FAM124B: variants seen among roughly 807,000 people sequenced by gnomAD.
FAM124B encodes protein FAM124B.
In FAM124B, 18 loss-of-function variants were observed where a neutral mutation model predicts 19.7. The ratio of observed to expected loss-of-function variants is 0.92; its 90% CI spans 0.63 to 1.36. FAM124B has a LOEUF of 1.36. FAM124B is among the 40% of genes most tolerant of loss of function. The pLI is 0.00. For missense variants in FAM124B, 540 were observed against 553.3 expected (o/e 0.98, Z 0.24); for synonymous variants, 223 against 225.2 (o/e 0.99, Z 0.09).
rs769418312 is a variant in FAM124B at position 224,380,097 on chromosome 2, T to C, written c.844A>G (p.Ser282Gly). The change falls in exon 2 of 2, where the codon AGC (serine) becomes GGC (glycine). Residue 282 changes from serine (S) to glycine (G), a missense_variant. By Grantham distance (56) the Ser-to-Gly change is moderately conservative. Coordinates refer to ENST00000409685, the MANE Select transcript of FAM124B (RefSeq NM_001122779.2). ...GACCTCTTGCCCTGGTTCCTCTGGC[T>C]CCTGGGTTCTGAGGTCCTCTTTGCA... ...VSAKRTSEPR[S>G]QRNQGKRSQG... The C allele has an allele frequency of 1.7e-5, 27 of 1,551,584 alleles. No individual in the cohort carries two copies. The highest frequency in any genetic ancestry group is 2.4e-5 in the Non-Finnish European group (27 of 1,147,004).
chr2:224,379,351 C>T lies in FAM124B; in HGVS notation c.*222G>A. On this transcript the variant is annotated 3_prime_UTR_variant, in exon 2 of 2. Coordinates refer to ENST00000409685, the MANE Select transcript of FAM124B (RefSeq NM_001122779.2). ...GGAACAAAAGCATTCGGTTTTTTTC[C>T]CTGTGTGTTGGCTGTGTTCTCTTAT... is the stretch of plus-strand genomic sequence containing the variant. The T allele has an allele frequency of 3.3e-6, 2 of 604,510 alleles. No homozygotes were observed. Among genetic ancestry groups the T allele is most frequent in the Non-Finnish European group, 5.2e-6 (2 of 382,992 alleles). The allele number at this position is 604,510 out of a possible 1,614,324, so 37.4% of individuals were successfully genotyped here.
At chr2:224,395,020 T>G (rs964051641) in intron 1 of FAM124B, among the ~76,000 whole-genome samples, 1 of 152,242 alleles carries the variant, frequency 6.6e-6, no homozygotes, top group Non-Finnish European at 1.5e-5. Context: ...TAGACCTTGC[T>G]GAGCGTTTCA....
chr2:224,393,988 T>C (rs1184749990), intron 1 of FAM124B, among the ~76,000 whole-genome samples: 1 of 152,072 alleles, frequency 6.6e-6, no homozygotes, highest in Non-Finnish European at 1.5e-5. Context: ...GGGGGCCCAG[T>C]GAGGAGACCA....
Position 224,401,640 on chromosome 2 carries a change from C to G in FAM124B, c.129G>C (p.Gln43His), listed in dbSNP as rs1295062218. ...DCICPEVRLF[Q>H]VSERASPVKY... ...TCACAGGACTGGCCCGTTCAGACAC[C>G]TGAAAGAGCCGGACCTCTGGGCAAA... Residue 43 changes from glutamine (Q) to histidine (H), a missense_variant, in exon 1 of 2, where the codon CAG (glutamine) becomes CAC (histidine). Gln to His is a conservative substitution (Grantham distance 24). Coordinates refer to ENST00000409685, the MANE Select transcript of FAM124B (RefSeq NM_001122779.2). The G allele has an allele frequency of 1.2e-6, 2 of 1,614,106 alleles. No homozygotes were observed. Among genetic ancestry groups the G allele is most frequent in the African/African-American group, 1.3e-5 (1 of 74,932 alleles).
intron 1 of FAM124B, chr2:224,400,226 T>C (rs1690041530): frequency 2.4e-6 from 1 of 413,060 alleles, no homozygotes; most frequent in South Asian, 6.0e-5. Context: ...ACCTGCACTT[T>C]GTGCACATGT....
Position 224,401,728 on chromosome 2 carries a change from A to G in FAM124B, c.41T>C (p.Leu14Pro), listed in dbSNP as rs1690079038. 3.7e-6 allele frequency: 6 copies of G among 1,613,996 alleles called. No individual in the cohort carries two copies. Among genetic ancestry groups the G allele is most frequent in the African/African-American group, 1.3e-5 (1 of 74,948 alleles). The change falls in exon 1 of 2, where the codon CTT becomes CCT. Residue 14 changes from leucine (L) to proline (P), a missense_variant. By Grantham distance (98) the Leu-to-Pro change is moderately conservative. Transcript: ENST00000409685. ...GGAGCCGTGCCCAGAGTTGGCAAGA[A>G]GATGGACAGTCATGGCCAGAGGCCC... is the stretch of plus-strand genomic sequence containing the variant. ...TQGPLAMTVHLLANSGHGSLL... is the reference protein window; with the variant it reads ...TQGPLAMTVHPLANSGHGSLL...
At chr2:224,390,927 T>A (rs1431393375) in intron 1 of FAM124B, among the ~76,000 whole-genome samples, 1 of 151,040 alleles carries the variant, frequency 6.6e-6, no homozygotes, top group Non-Finnish European at 1.5e-5. Context: ...ATGGTCGCGA[T>A]CTCCTGACCT....
intron 1 of FAM124B, among the ~76,000 whole-genome samples, chr2:224,391,729 T>G (rs1689891896): frequency 6.6e-6 from 1 of 152,226 alleles, no homozygotes; most frequent in Non-Finnish European, 1.5e-5. Flanking sequence ...GTTTGAAACT[T>G]GACTTTATCC....
At chr2:224,400,407 A>C in intron 1 of FAM124B, 1 of 690,466 alleles carries the variant, frequency 1.4e-6, no homozygotes, top group Non-Finnish European at 2.6e-6. Context: ...TCAGGAGGCT[A>C]AGGCAGGAGG....
chr2:224,390,114 T>TACACACACACACACACACACAC (rs59825011), intron 1 of FAM124B, among the ~76,000 whole-genome samples: 14 of 131,794 alleles, frequency 1.1e-4, no homozygotes, highest in South Asian at 2.6e-4. Context: ...GTCTTTGAAA[T>TACACACACACACACACACACAC]ACACACACAC....
chr2:224,396,896 C>T (rs1428542150), intron 1 of FAM124B, among the ~76,000 whole-genome samples: 4 of 152,170 alleles, frequency 2.6e-5, no homozygotes, highest in African/African-American at 4.8e-5. Flanking sequence ...GAGGATAGGG[C>T]CAAGACAGTG....
intron 1 of FAM124B, among the ~76,000 whole-genome samples, chr2:224,398,373 C>G (rs577722019): frequency 6.6e-6 from 1 of 152,224 alleles, no homozygotes; most frequent in East Asian, 1.9e-4. Context: ...GCTAGTATTA[C>G]AGGCCTGAGC....
Sources: allele counts gnomAD v4.1 joint callset (sites outside exome capture counted in the v4.1 genomes callset), GRCh38; gene constraint gnomAD v4.1.1; transcripts MANE v1.5; gene names NCBI Gene and HGNC (gene_info 2026-07-23, HGNC 2026-07-21).